Variants in CLDN15 observed in about 807,000 individuals in gnomAD.
CLDN15 encodes claudin-15.
A neutral mutation model predicts 24.5 loss-of-function variants in CLDN15; 9 were observed. That is an observed-to-expected ratio of 0.37 (90% CI 0.22 to 0.64). The LOEUF (loss-of-function observed/expected upper bound fraction) is 0.64, where lower values mean the gene tolerates loss of function less well. Among genes scored for constraint, CLDN15 ranks in the 30% least tolerant of loss-of-function variants. CLDN15 has a pLI of 0.63. For missense variants in CLDN15, 248 were observed against 305.9 expected (o/e 0.81, Z 1.41); for synonymous variants, 149 against 131.4 (o/e 1.13, Z -0.92).
chr7:101,236,043 T>A (rs1276305282), intron 1 of CLDN15, among the ~76,000 whole-genome samples: 2 of 152,134 alleles, frequency 1.3e-5, no homozygotes, highest in Non-Finnish European at 2.9e-5. Flanking sequence ...CGGAACCTGG[T>A]CACCCTCTAC....
At position 101,233,887 on chromosome 7, in the gene CLDN15, G is replaced by C. The variant is rs527319176; in HGVS notation, c.382+391C>G. On this transcript the variant is annotated intron_variant, in intron 2 of 4. Transcript: ENST00000308344. Reference sequence around the variant, plus strand: ...AATCCACCCACCTCAGCCTACCAAAGTGCTGGGATTACAGGCATGAGCCAC... The same window carrying C: ...AATCCACCCACCTCAGCCTACCAAACTGCTGGGATTACAGGCATGAGCCAC... 204 of 340,254 alleles carry C rather than the reference G, an allele frequency of 6.0e-4. 1 individual carries two copies. The highest frequency in any genetic ancestry group is 6.9e-4 in the Non-Finnish European group (119 of 171,686). The allele number at this position is 340,254 out of a possible 1,614,324, so 21.1% of individuals were successfully genotyped here. A position where few individuals can be genotyped will look rare whatever the true frequency, so the allele number is the denominator to read the frequency against.
Position 101,237,407 on chromosome 7 carries a change from C to A in CLDN15, c.175G>T (p.Val59Phe). ...WFSCATDSLG[V>F]YNCWEFPSML... ...GACGGGAACTCCCAGCAGTTGTAGACGCCCAGGGAGTCGGTGGCACAGCTA... is the reference window on the plus strand; with the variant it reads ...GACGGGAACTCCCAGCAGTTGTAGAAGCCCAGGGAGTCGGTGGCACAGCTA... Residue 59 changes from valine (V) to phenylalanine (F), a missense_variant, in exon 1 of 5, where the codon GTC (valine) becomes TTC (phenylalanine). Physicochemically the swap from Val to Phe is conservative, Grantham distance 50 (BLOSUM62 -1). Transcript: ENST00000308344. The surrounding 1 kb of genome is among the most constrained non-coding windows in gnomAD (Gnocchi z 4.0). The A allele has an allele frequency of 6.2e-7, 1 of 1,613,400 alleles. No homozygotes were observed. The highest frequency in any genetic ancestry group is 8.5e-7 in the Non-Finnish European group (1 of 1,179,620).
chr7:101,233,957 G>A (rs1344225001), intron 2 of CLDN15: 7 of 498,796 alleles, frequency 1.4e-5, no homozygotes, highest in African/African-American at 9.5e-5. Flanking sequence ...GTGTGTGTGC[G>A]CCATAGCGTG....
intron 2 of CLDN15, 120 bp downstream of exon 2, chr7:101,234,158 C>A (rs779447916): frequency 1.2e-6 from 1 of 855,274 alleles, no homozygotes; most frequent in Non-Finnish European, 2.0e-6. Flanking sequence ...GGTGTCCATG[C>A]AGCAGGGTAG....
At chr7:101,234,524 T>C in intron 1 of CLDN15, 82 bp from the exon 2 acceptor site, 1 of 959,928 alleles carries the variant, frequency 1.0e-6, no homozygotes, top group Non-Finnish European at 1.6e-6. Context: ...CATCCCAGGT[T>C]CAAGTGATTC....
In CLDN15 at chr7:101,232,612, T is replaced by C. The variant is rs761110853; in HGVS notation, c.573A>G (p.Pro191=). The change falls in exon 4 of 5, where the codon CCA becomes CCG. Residue 191 remains proline, a synonymous_variant. Coordinates refer to ENST00000308344, the MANE Select transcript of CLDN15 (RefSeq NM_014343.3). ...SACCCGSDED[P]AASARRPYQA... is the part of the protein sequence containing the mutation. ...CGCCTCACCCTGCTCACCTGGCGGC[T>C]GGGTCCTCGTCAGAGCCGCAGCAGC... is the stretch of plus-strand genomic sequence containing the variant. The C allele has an allele frequency of 6.3e-7, 1 of 1,591,996 alleles. No individual in the cohort carries two copies. The highest frequency in any genetic ancestry group is 8.6e-7 in the Non-Finnish European group (1 of 1,169,556).
Position 101,237,213 on chromosome 7 carries a change from T to A in CLDN15, c.217+152A>T. The A allele has an allele frequency of 1.5e-6, 1 of 655,840 alleles. No individual in the cohort carries two copies. The highest frequency in any genetic ancestry group is 2.7e-6 in the Non-Finnish European group (1 of 366,184). The allele number at this position is 655,840 out of a possible 1,614,324, so 40.6% of individuals were successfully genotyped here. A position where few individuals can be genotyped will look rare whatever the true frequency, so the allele number is the denominator to read the frequency against. On this transcript the variant is annotated intron_variant, in intron 1 of 4. Transcript: ENST00000308344. This position sits in a 1 kb window ranked among gnomAD's most constrained non-coding sequence, Gnocchi z 4.0. ...AAGGTCTTCACTCCAGTTCTAGGCATGGGCCGCCCCCAGCACTCCTGGCTG... is the reference window on the plus strand; with the variant it reads ...AAGGTCTTCACTCCAGTTCTAGGCAAGGGCCGCCCCCAGCACTCCTGGCTG...
At chr7:101,232,542 G>C (rs371429129) in intron 4 of CLDN15, 27 bp from the exon 5 acceptor site, 11 of 1,597,160 alleles carry the variant, frequency 6.9e-6, no homozygotes, top group Admixed American at 3.4e-5. Flanking sequence ...GGGTCAGAGC[G>C]GGGGCGCGGC....
At chr7:101,237,852 A>C, upstream of CLDN15, 3 of 481,276 alleles carry the variant, frequency 6.2e-6, no homozygotes, top group South Asian at 4.3e-5. This position sits in a 1 kb window ranked among gnomAD's most constrained non-coding sequence, Gnocchi z 4.0. Context: ...GGAATAACCG[A>C]AACGGGCCAA....
rs1047319 is a variant in CLDN15 at position 101,232,491 on chromosome 7, T to A, written c.606A>T (p.Pro202=). The change falls in exon 5 of 5, where the codon CCA becomes CCT. Residue 202 remains proline, a synonymous_variant. Transcript: ENST00000308344. The part of the protein sequence containing the change: ...AASARRPYQA[P]VSVMPVATSD... ...AGGTGGCGACGGGCATCACGGACAC[T>A]GGAGCCTGGTAGGGCCGCCGGGCGC... 1 of 1,613,022 alleles carries A rather than the reference T, an allele frequency of 6.2e-7. No homozygotes were observed. Among genetic ancestry groups the A allele is most frequent in the Non-Finnish European group, 8.5e-7 (1 of 1,179,382 alleles).
Position 101,237,699 on chromosome 7 carries a change from AG to A in CLDN15, c.-119del. 2.8e-6 allele frequency: 2 copies of A among 709,512 alleles called. No homozygotes were observed. Among genetic ancestry groups the A allele is most frequent in the Non-Finnish European group, 5.0e-6 (2 of 400,332 alleles). 44.0% of individuals were successfully genotyped at this position (709,512 alleles called of 1,614,324 possible). A position where few individuals can be genotyped will look rare whatever the true frequency, so the allele number is the denominator to read the frequency against. ...TGTCCAGGCAGGCTGGGGTGGAATC[AG>A]CCTCAGCCTCTGCCTGCCTCTTCCT... On this transcript the variant is annotated 5_prime_UTR_variant, in exon 1 of 5. Transcript: ENST00000308344. The surrounding 1 kb of genome is among the most constrained non-coding windows in gnomAD (Gnocchi z 4.0).
At chr7:101,236,623 C>G (rs938580318) in intron 1 of CLDN15, 1 of 689,132 alleles carries the variant, frequency 1.5e-6, no homozygotes. Flanking sequence ...GCGGCCTCAT[C>G]TTAGCGGGGA....
rs531794641 is a variant in CLDN15, at chr7:101,235,760, C to CGAGTCT, written c.218-1324_218-1319dup. Among the ~76,000 whole-genome samples, 1,392 of 152,192 alleles carry CGAGTCT rather than the reference C, an allele frequency of 9.1e-3. 22 individuals carry two copies. The highest frequency in any genetic ancestry group is 0.032 in the African/African-American group (1,315 of 41,528). On this transcript the variant is annotated intron_variant, in intron 1 of 4. Coordinates refer to ENST00000308344, the MANE Select transcript of CLDN15 (RefSeq NM_014343.3). ...CCAGCCACTCCCTCTGGGGCTGACA[C>CGAGTCT]GAGTCTGAGTCCCCAGGTGGCTCTA...
chr7:101,236,981 A>G, intron 1 of CLDN15: 1 of 421,594 alleles, frequency 2.4e-6, no homozygotes. Flanking sequence ...AACCGTACTG[A>G]GTGCCTATGT....
upstream of CLDN15, chr7:101,238,356 G>C (rs2116843492): frequency 6.5e-6 from 1 of 152,970 alleles, no homozygotes; most frequent in South Asian, 2.1e-4. Flanking sequence ...CTTCTGCTCT[G>C]TCAGTGACAT....
At chr7:101,232,967 A>AGGGTTTGGGGGGGG in intron 2 of CLDN15, 53 bp from the exon 3 acceptor site, 1 of 547,006 alleles carries the variant, frequency 1.8e-6, no homozygotes, top group Middle Eastern at 3.4e-4. Context: ...ATAGTGGGGG[A>AGGGTTTGGGGGGGG]GGGGGCTTAG....
Position 101,232,909 on chromosome 7 carries a change from A to G in CLDN15, c.388T>C (p.Cys130Arg). The change falls in exon 3 of 5, where the codon TGC becomes CGC. Residue 130 changes from cysteine (C) to arginine (R), a missense_variant. Transcript: ENST00000308344. ...AGALHILAGI[C>R]GMVAISWYAF... ...TACCAGGAGATGGCCACCATCCCGC[A>G]GATACCTGGGGACCGGAGGACGACC... The G allele has an allele frequency of 6.2e-7, 1 of 1,600,426 alleles. No individual in the cohort carries two copies. The highest frequency in any genetic ancestry group is 8.5e-7 in the Non-Finnish European group (1 of 1,171,894).
chr7:101,235,363 AGGCGATCCT>A (rs1798601875), intron 1 of CLDN15, among the ~76,000 whole-genome samples: 1 of 152,132 alleles, frequency 6.6e-6, no homozygotes, highest in Non-Finnish European at 1.5e-5. Flanking sequence ...TCCTGGATGC[AGGCGATCCT>A]CCTGCCTCAG....
chr7:101,238,227 G>C (rs1373312582), upstream of CLDN15: 3 of 155,822 alleles, frequency 1.9e-5, no homozygotes, highest in Admixed American at 1.9e-4. Flanking sequence ...GATCAAGCTG[G>C]AATGAGGGGA....
Sources: gnomAD v4.1 joint callset for allele counts (sites outside exome capture counted in the v4.1 genomes callset) on GRCh38, gnomAD v4.1.1 for gene constraint, Gnocchi (gnomAD v3.1) non-coding constraint, MANE v1.5 for transcripts, NCBI Gene and HGNC (gene_info 2026-07-23, HGNC 2026-07-21) for gene names.